Variants in PPP1R12B observed in about 807,000 individuals in gnomAD.
PPP1R12B encodes the protein protein phosphatase 1 regulatory subunit 12B.
A neutral mutation model predicts 126.1 loss-of-function variants in PPP1R12B; 76 were observed. That is an observed-to-expected ratio of 0.60 (90% confidence interval 0.50 to 0.73). PPP1R12B has a LOEUF of 0.73. PPP1R12B is among the 30% of genes least tolerant of loss of function. The pLI, the probability that PPP1R12B is intolerant of heterozygous loss-of-function variation, is 0.00. For synonymous variants in PPP1R12B, 356 were observed against 434.7 expected (o/e 0.82, Z 2.25); for missense variants, 1,052 against 1,205.1 (o/e 0.87, Z 1.88).
At chr1:202,573,939 A>T (rs1362694741) in intron 23 of PPP1R12B, among the ~76,000 whole-genome samples, 1 of 152,180 alleles carries the variant, frequency 6.6e-6, no homozygotes, top group African/African-American at 2.4e-5. Flanking sequence ...GAACTGAGAC[A>T]AAGAAAGCAT....
intron 3 of PPP1R12B, 152 bp from the exon 4 acceptor site, chr1:202,425,414 C>A: frequency 1.3e-6 from 1 of 798,478 alleles, no homozygotes; most frequent in South Asian, 1.7e-5. Flanking sequence ...GTACAAATGC[C>A]ATTGATCTTC....
chr1:202,457,702 G>A (rs1420163174), intron 13 of PPP1R12B, among the ~76,000 whole-genome samples: 1 of 152,208 alleles, frequency 6.6e-6, no homozygotes, highest in African/African-American at 2.4e-5. Flanking sequence ...GAGCATAGAG[G>A]AGGGGAATCT....
chr1:202,395,519 G>A (rs1447376838), intron 1 of PPP1R12B, among the ~76,000 whole-genome samples: 1 of 152,058 alleles, frequency 6.6e-6, no homozygotes, highest in East Asian at 1.9e-4. Context: ...TTCTCATTTT[G>A]GGTGATTTTT....
chr1:202,540,264 G>A (rs750339249), intron 18 of PPP1R12B: 23 of 1,527,604 alleles, frequency 1.5e-5, no homozygotes, highest in Admixed American at 1.4e-4. Context: ...TTTTATTTAC[G>A]TATGTTCATA....
chr1:202,398,387 T>C (rs759670441), intron 1 of PPP1R12B, among the ~76,000 whole-genome samples: 1 of 152,252 alleles, frequency 6.6e-6, no homozygotes, highest in Non-Finnish European at 1.5e-5. Context: ...TCATCCTCAC[T>C]GTCATGTTAG....
chr1:202,577,454 A>G (rs1689191076), intron 23 of PPP1R12B, among the ~76,000 whole-genome samples: 2 of 152,136 alleles, frequency 1.3e-5, no homozygotes, highest in Non-Finnish European at 2.9e-5. Context: ...TGACCTGCAA[A>G]CCCTAAGATA....
At chr1:202,524,010 G>A (rs1683063215) in intron 18 of PPP1R12B, among the ~76,000 whole-genome samples, 1 of 152,148 alleles carries the variant, frequency 6.6e-6, no homozygotes, top group Admixed American at 6.5e-5. Flanking sequence ...ACCGTGCCCG[G>A]CCAATCTGAC....
Position 202,493,175 on chromosome 1 carries a change from G to A in PPP1R12B, c.2003G>A (p.Arg668Lys), listed in dbSNP as rs754861545. Residue 668 changes from arginine to lysine, a missense_variant, in exon 15 of 24, where the codon AGG becomes AAG. Physicochemically the swap from Arg to Lys is conservative, Grantham distance 26. Transcript: ENST00000608999. ...ERTFSRSRAERQAQEQPREKP... is the reference protein window; with the variant it reads ...ERTFSRSRAEKQAQEQPREKP... ...ACATTCAGCCGGTCGAGGGCAGAGA[G>A]GCAAGCTCAGGAGCAGCCTCGTGAG... The A allele has an allele frequency of 5.0e-6, 8 of 1,612,424 alleles. No individual in the cohort carries two copies. In the South Asian group the frequency reaches 7.7e-5, roughly 16 times the overall value.
In PPP1R12B at chr1:202,588,857, A is replaced by AGAT. The variant is rs1553332180; in HGVS notation, c.*8298_*8300dup. 3 of 145,664 alleles carry AGAT rather than the reference A, an allele frequency of 2.1e-5. No homozygotes were observed. The highest frequency in any genetic ancestry group is 3.0e-5 in the Non-Finnish European group (2 of 67,616). The allele number at this position is 145,664 out of a possible 1,614,324, so 9.0% of individuals were successfully genotyped here. On this transcript the variant is annotated 3_prime_UTR_variant, in exon 24 of 24. Transcript: ENST00000608999. ...TAGATAGATAGATAGATAGATAGAT[A>AGAT]GATAGATAGATAGATATCAAGGTTC...
chr1:202,588,921 T>C lies in PPP1R12B; in HGVS notation c.*8361T>C, dbSNP rs1371381552. On this transcript the variant is annotated 3_prime_UTR_variant, in exon 24 of 24. Coordinates refer to ENST00000608999, the MANE Select transcript of PPP1R12B (RefSeq NM_002481.4). Reference sequence around the variant, plus strand: ...ACCAAGAGTATATACGGTTATTTCTTGGAAGACACCAGGTTTAAGTGACAA... The same window carrying C: ...ACCAAGAGTATATACGGTTATTTCTCGGAAGACACCAGGTTTAAGTGACAA... 1 of 152,178 alleles carries C rather than the reference T, an allele frequency of 6.6e-6. No individual in the cohort carries two copies. The highest frequency in any genetic ancestry group is 1.5e-5 in the Non-Finnish European group (1 of 68,028). 9.4% of individuals were successfully genotyped at this position (152,178 alleles called of 1,614,324 possible). A position where few individuals can be genotyped will look rare whatever the true frequency, so the allele number is the denominator to read the frequency against.
rs756256641 is a variant in PPP1R12B, at chr1:202,416,943, T to G, written c.422+26T>G. ...GTGAGTGAGTCTCTGTGTGTGTGGC[T>G]TTGTAGTATTTGTAGGAATAGCCTT... On this transcript the variant is annotated intron_variant, in intron 2 of 23. Coordinates refer to ENST00000608999, the MANE Select transcript of PPP1R12B (RefSeq NM_002481.4). 72 of 1,596,724 alleles carry G rather than the reference T, an allele frequency of 4.5e-5. No individual in the cohort carries two copies. The East Asian group carries it at 1.5e-3, about 34-fold the overall frequency.
At position 202,437,972 on chromosome 1, in the gene PPP1R12B, A is replaced by G. The variant is rs370884876; in HGVS notation, c.1406A>G (p.Tyr469Cys). 4.4e-5 allele frequency: 71 copies of G among 1,614,120 alleles called. 1 individual carries two copies. In the African/African-American group the frequency reaches 8.3e-4, roughly 19 times the overall value. ...ATAAGGGACCGAGGCTCTTCCATCTATCGCTCCTCTTCAAGCCCTCGGATT... is the reference window on the plus strand; with the variant it reads ...ATAAGGGACCGAGGCTCTTCCATCTGTCGCTCCTCTTCAAGCCCTCGGATT... ...EPIRDRGSSI[Y>C]RSSSSPRISA... Residue 469 changes from tyrosine to cysteine, a missense_variant, in exon 10 of 24, where the codon TAT (tyrosine) becomes TGT (cysteine). Physicochemically the swap from Tyr to Cys is radical, Grantham distance 194. Coordinates refer to ENST00000608999, the MANE Select transcript of PPP1R12B (RefSeq NM_002481.4).
intron 13 of PPP1R12B, among the ~76,000 whole-genome samples, chr1:202,481,799 C>G (rs1208237949): frequency 6.6e-6 from 1 of 152,128 alleles, no homozygotes; most frequent in Non-Finnish European, 1.5e-5. Flanking sequence ...AGTCACCTTA[C>G]TCTGCAATAG....
intron 12 of PPP1R12B, among the ~76,000 whole-genome samples, chr1:202,446,308 C>T (rs1471818190): frequency 6.1e-5 from 8 of 130,810 alleles, no homozygotes; most frequent in African/African-American, 1.2e-4. Context: ...GGCTGGAGTG[C>T]AGTGGTGCAG....
chr1:202,353,987 G>A (rs558122359), intron 1 of PPP1R12B, among the ~76,000 whole-genome samples: 1 of 152,158 alleles, frequency 6.6e-6, no homozygotes, highest in South Asian at 2.1e-4. Flanking sequence ...TACTCTGTGA[G>A]TATTTTGAAA....
rs59829355 is a variant in PPP1R12B, at chr1:202,395,781, A to G, written c.292-21006A>G. Reference sequence around the variant, plus strand: ...TTTAATAACACTTTCCCTAAACCCTAAACTCGTTACCTCTCTGAAATTTTT... The same window carrying G: ...TTTAATAACACTTTCCCTAAACCCTGAACTCGTTACCTCTCTGAAATTTTT... On this transcript the variant is annotated intron_variant, in intron 1 of 23. Transcript: ENST00000608999. Among the ~76,000 whole-genome samples the G allele has an allele frequency of 5.3e-5, 8 of 152,256 alleles. No individual in the cohort carries two copies. In the East Asian group the frequency reaches 1.2e-3, roughly 22 times the overall value.
At chr1:202,459,940 G>T (rs1466518060) in intron 13 of PPP1R12B, among the ~76,000 whole-genome samples, 1 of 152,194 alleles carries the variant, frequency 6.6e-6, no homozygotes, top group Non-Finnish European at 1.5e-5. Context: ...GACAGAAATG[G>T]CAAGTGGCAA....
intron 23 of PPP1R12B, among the ~76,000 whole-genome samples, chr1:202,577,568 C>T (rs1689201669): frequency 6.6e-6 from 1 of 151,842 alleles, no homozygotes; most frequent in African/African-American, 2.4e-5. Flanking sequence ...TTTTACTCTA[C>T]CTTTTTTTTT....
At chr1:202,390,502 T>C (rs990119881) in intron 1 of PPP1R12B, among the ~76,000 whole-genome samples, 14 of 151,466 alleles carry the variant, frequency 9.2e-5, no homozygotes, top group Non-Finnish European at 1.8e-4. Context: ...AAAAGCTTTA[T>C]TTATTTATTT....
Sources: allele counts gnomAD v4.1 joint callset (sites outside exome capture counted in the v4.1 genomes callset), GRCh38; gene constraint gnomAD v4.1.1; transcripts MANE v1.5; gene names NCBI Gene and HGNC (gene_info 2026-07-23, HGNC 2026-07-21).